The following COG5 variants were observed in gnomAD, a reference collection of about 807,000 sequenced individuals.
COG5 encodes the protein conserved oligomeric Golgi complex subunit 5.
In COG5, 86 loss-of-function variants were observed where a neutral mutation model predicts 110.4. That is an observed-to-expected ratio of 0.78 (90% confidence interval 0.65 to 0.93). The LOEUF (loss-of-function observed/expected upper bound fraction) is 0.93, where lower values mean the gene tolerates loss of function less well. COG5 is among the 40% of genes least tolerant of loss of function. COG5 has a pLI of 0.00. For synonymous variants in COG5, 360 were observed against 334.6 expected (o/e 1.08, Z -0.83); for missense variants, 1,077 against 987.0 (o/e 1.09, Z -1.22).
At chr7:107,438,380 G>C (rs978541156) in intron 6 of COG5, among the ~76,000 whole-genome samples, 1 of 152,070 alleles carries the variant, frequency 6.6e-6, no homozygotes, top group African/African-American at 2.4e-5. Context: ...CCCACCTCTG[G>C]AAGCCTAAAA....
chr7:107,309,172 CTCAT>C (rs1274205109), intron 11 of COG5, among the ~76,000 whole-genome samples: 4 of 151,968 alleles, frequency 2.6e-5, no homozygotes, highest in African/African-American at 4.8e-5. Context: ...TCACTTTGAT[CTCAT>C]TCACTTTGCA....
chr7:107,412,712 C>CA (rs372240169), intron 6 of COG5, 80 bp from the exon 7 acceptor site: 70,696 of 565,678 alleles, frequency 0.12, 27 homozygotes, highest in East Asian at 0.28. Flanking sequence ...TATAACTTCT[C>CA]AAAAAAAAAA....
At chr7:107,236,319 T>G (rs1269742479) in intron 18 of COG5, 131 bp downstream of exon 18, 12 of 717,326 alleles carry the variant, frequency 1.7e-5, no homozygotes, top group Admixed American at 6.7e-5. Context: ...TTTTAACTAT[T>G]TATGCTTAAG....
chr7:107,504,555 T>C (rs1798843672), intron 6 of COG5, among the ~76,000 whole-genome samples: 1 of 152,214 alleles, frequency 6.6e-6, no homozygotes, highest in South Asian at 2.1e-4. Flanking sequence ...TCTTTTGCAA[T>C]AGTTGCAGTA....
chr7:107,289,054 G>C (rs1805940291), intron 12 of COG5, among the ~76,000 whole-genome samples: 1 of 149,738 alleles, frequency 6.7e-6, no homozygotes, highest in South Asian at 2.1e-4. Context: ...TCAAACTCCT[G>C]GACTCAAGTG....
intron 7 of COG5, among the ~76,000 whole-genome samples, chr7:107,409,171 G>C (rs914683514): frequency 8.3e-6 from 1 of 120,902 alleles, no homozygotes. Context: ...AGAGCACAAA[G>C]ATTAAGGAAG....
intron 6 of COG5, among the ~76,000 whole-genome samples, chr7:107,498,916 GAA>G (rs1452073711): frequency 6.6e-6 from 1 of 152,078 alleles, no homozygotes; most frequent in Non-Finnish European, 1.5e-5. Flanking sequence ...GCTGATGACT[GAA>G]TTTTTTAAAT....
chr7:107,372,054 T>C (rs139310281), intron 8 of COG5, among the ~76,000 whole-genome samples: 19 of 152,334 alleles, frequency 1.2e-4, no homozygotes, highest in African/African-American at 4.3e-4. Flanking sequence ...TACAGACTCC[T>C]AATGAAAGGC....
chr7:107,411,594 A>G (rs1447835132), intron 7 of COG5, among the ~76,000 whole-genome samples: 1 of 152,104 alleles, frequency 6.6e-6, no homozygotes, highest in Non-Finnish European at 1.5e-5. Context: ...TATTCATTCT[A>G]TATGAAAGTT....
intron 10 of COG5, among the ~76,000 whole-genome samples, chr7:107,327,526 A>G (rs1179875552): frequency 6.6e-6 from 1 of 152,192 alleles, no homozygotes; most frequent in Non-Finnish European, 1.5e-5. Flanking sequence ...ATGGGGGAAA[A>G]CATTTGCTAA....
At chr7:107,276,111 T>G (rs1804686884) in intron 14 of COG5, among the ~76,000 whole-genome samples, 6 of 152,172 alleles carry the variant, frequency 3.9e-5, no homozygotes. Flanking sequence ...CCTGATTAAA[T>G]GCCAATCTCC....
At chr7:107,435,156 A>C (rs1200444013) in intron 6 of COG5, among the ~76,000 whole-genome samples, 1 of 152,046 alleles carries the variant, frequency 6.6e-6, no homozygotes, top group African/African-American at 2.4e-5. Context: ...GGTGGGGGAG[A>C]GGAAAATTAA....
chr7:107,456,356 T>C (rs184018847), intron 6 of COG5, among the ~76,000 whole-genome samples: 49 of 152,306 alleles, frequency 3.2e-4, no homozygotes, highest in African/African-American at 1.1e-3. Context: ...GAATAATTGG[T>C]ATAGGATTTA....
chr7:107,339,788 T>C (rs1227464892), intron 10 of COG5, among the ~76,000 whole-genome samples: 2 of 151,866 alleles, frequency 1.3e-5, no homozygotes, highest in Non-Finnish European at 2.9e-5. Flanking sequence ...AGCAGTGAAA[T>C]TGTCAGAAAT....
chr7:107,333,612 G>C (rs948248572), intron 10 of COG5, among the ~76,000 whole-genome samples: 34 of 152,230 alleles, frequency 2.2e-4, no homozygotes, highest in African/African-American at 7.9e-4. Flanking sequence ...TTTGAAGGTA[G>C]AACAGATAGC....
chr7:107,322,031 A>G (rs1458206227), intron 11 of COG5, among the ~76,000 whole-genome samples: 1 of 152,244 alleles, frequency 6.6e-6, no homozygotes, highest in Non-Finnish European at 1.5e-5. Flanking sequence ...CAAGAAATAC[A>G]ATAAAAACAG....
intron 19 of COG5, among the ~76,000 whole-genome samples, chr7:107,212,571 TA>T (rs1799258491): frequency 6.6e-6 from 1 of 152,228 alleles, no homozygotes; most frequent in Non-Finnish European, 1.5e-5. Flanking sequence ...CTCCTAGTTT[TA>T]ACATAATTCT....
intron 10 of COG5, among the ~76,000 whole-genome samples, chr7:107,339,523 A>T (rs2129035274): frequency 1.3e-5 from 2 of 152,158 alleles, no homozygotes; most frequent in East Asian, 3.9e-4. Context: ...AACTAACTGG[A>T]CCTAATAGAT....
At chr7:107,497,918 A>G (rs1392271362) in intron 6 of COG5, among the ~76,000 whole-genome samples, 1 of 152,216 alleles carries the variant, frequency 6.6e-6, no homozygotes, top group African/African-American at 2.4e-5. Context: ...ATTAAATAGT[A>G]TGGTACTGGC....
Sources: gnomAD v4.1 joint callset for allele counts (sites outside exome capture counted in the v4.1 genomes callset) on GRCh38, gnomAD v4.1.1 for gene constraint, MANE v1.5 for transcripts, NCBI Gene and HGNC (gene_info 2026-07-23, HGNC 2026-07-21) for gene names.